RBFOX1: variants seen among roughly 807,000 people sequenced by gnomAD.
RBFOX1 encodes RNA binding protein fox-1 homolog 1.
In RBFOX1, 8 loss-of-function variants were observed where a neutral mutation model predicts 57.7. That is an observed-to-expected ratio of 0.14 (90% CI 0.08 to 0.25). The LOEUF is 0.25. Ranked by LOEUF, RBFOX1 falls within the 10% of genes least tolerant of loss-of-function variation. The probability of loss-of-function intolerance (pLI) is 1.00; values close to 1 mark genes in which losing one functional copy is unlikely to be tolerated. For synonymous variants in RBFOX1, 326 were observed against 222.4 expected (o/e 1.47, Z -4.15); for missense variants, 611 against 548.5 (o/e 1.11, Z -1.14).
At chr16:6,996,900 TG>T (rs1483451160) in intron 3 of RBFOX1, among the ~76,000 whole-genome samples, 1 of 152,168 alleles carries the variant, frequency 6.6e-6, no homozygotes, top group Non-Finnish European at 1.5e-5. Flanking sequence ...TAGAAGCTGA[TG>T]GAACTGAACT....
intron 13 of RBFOX1, among the ~76,000 whole-genome samples, chr16:7,672,239 T>C (rs2071704519): frequency 1.3e-5 from 2 of 152,168 alleles, no homozygotes; most frequent in South Asian, 4.1e-4. Context: ...AACATATTCA[T>C]TGGAATGTGG....
chr16:6,413,588 C>G (rs1287379740), intron 2 of RBFOX1, among the ~76,000 whole-genome samples: 1 of 151,812 alleles, frequency 6.6e-6, no homozygotes, highest in Admixed American at 6.6e-5. Flanking sequence ...CATAATCGGT[C>G]AAAACAATTG....
chr16:6,706,266 G>A (rs2062728859), intron 3 of RBFOX1, among the ~76,000 whole-genome samples: 1 of 152,078 alleles, frequency 6.6e-6, no homozygotes, highest in South Asian at 2.1e-4. Flanking sequence ...TTTGATGATA[G>A]GGCAACTTGA....
At chr16:6,996,082 T>A (rs1408851935) in intron 3 of RBFOX1, among the ~76,000 whole-genome samples, 1 of 152,198 alleles carries the variant, frequency 6.6e-6, no homozygotes, top group African/African-American at 2.4e-5. Flanking sequence ...AGACCATCAG[T>A]GATCCAAGTA....
At chr16:7,474,523 G>T (rs1039572160) in intron 4 of RBFOX1, among the ~76,000 whole-genome samples, 8 of 152,160 alleles carry the variant, frequency 5.3e-5, no homozygotes, top group Non-Finnish European at 1.0e-4. Context: ...CAACTATTTA[G>T]GTTGGTGCAA....
chr16:5,495,766 C>G (rs184622499), intron 2 of RBFOX1, among the ~76,000 whole-genome samples: 5 of 152,344 alleles, frequency 3.3e-5, no homozygotes, highest in African/African-American at 9.6e-5. Context: ...GGTGGCAGCA[C>G]AATTCTGAGA....
chr16:7,248,558 C>T (rs1196564893), intron 4 of RBFOX1, among the ~76,000 whole-genome samples: 1 of 152,180 alleles, frequency 6.6e-6, no homozygotes, highest in Non-Finnish European at 1.5e-5. Context: ...TACCTGTCAT[C>T]TCAGCCATGA....
At chr16:6,007,862 T>C (rs1261101121) in intron 4 of RBFOX1, among the ~76,000 whole-genome samples, 1 of 151,916 alleles carries the variant, frequency 6.6e-6, no homozygotes, top group Admixed American at 6.6e-5. Flanking sequence ...ATGACATCTG[T>C]AGGAAGTGAT....
intron 4 of RBFOX1, among the ~76,000 whole-genome samples, chr16:7,201,099 A>G (rs1200791856): frequency 6.6e-6 from 1 of 152,180 alleles, no homozygotes; most frequent in Non-Finnish European, 1.5e-5. Context: ...TCTGAATGTA[A>G]AAATTGCTCT....
intron 3 of RBFOX1, among the ~76,000 whole-genome samples, chr16:5,676,122 G>C (rs2050161942): frequency 6.6e-6 from 1 of 152,066 alleles, no homozygotes; most frequent in Admixed American, 6.6e-5. Context: ...GAGAGCATTA[G>C]GACAAATACC....
intron 3 of RBFOX1, among the ~76,000 whole-genome samples, chr16:5,866,159 G>C (rs1007623262): frequency 4.6e-5 from 7 of 152,090 alleles, no homozygotes; most frequent in African/African-American, 1.7e-4. Flanking sequence ...AGTAGGGATG[G>C]GGTTTCACCA....
chr16:7,147,807 C>T (rs1292696697), intron 4 of RBFOX1, among the ~76,000 whole-genome samples: 5 of 152,026 alleles, frequency 3.3e-5, no homozygotes, highest in South Asian at 4.1e-4. Flanking sequence ...TTTGGTAGAA[C>T]GATTTATTTT....
chr16:6,547,658 T>C (rs1158753097), intron 2 of RBFOX1, among the ~76,000 whole-genome samples: 1 of 152,184 alleles, frequency 6.6e-6, no homozygotes, highest in Non-Finnish European at 1.5e-5. Flanking sequence ...ATAGTAAATG[T>C]GATCGCTTTT....
chr16:6,355,285 GCC>G (rs1300777711), intron 2 of RBFOX1, among the ~76,000 whole-genome samples: 1 of 150,722 alleles, frequency 6.6e-6, no homozygotes, highest in African/African-American at 2.4e-5. Context: ...CACTCCCCCA[GCC>G]CCCCAGCCCC....
At chr16:7,352,864 T>C (rs551479920) in intron 4 of RBFOX1, among the ~76,000 whole-genome samples, 7 of 152,182 alleles carry the variant, frequency 4.6e-5, no homozygotes, top group African/African-American at 1.4e-4. Flanking sequence ...TACAGGAGCA[T>C]GCCACCATGA....
At chr16:7,697,778 T>C (rs1329849881) in intron 14 of RBFOX1, among the ~76,000 whole-genome samples, 1 of 152,198 alleles carries the variant, frequency 6.6e-6, no homozygotes, top group Non-Finnish European at 1.5e-5. Flanking sequence ...GATGGAATTC[T>C]ACCTTCCCCA....
At chr16:6,103,874 C>G (rs538587256) in intron 1 of RBFOX1, among the ~76,000 whole-genome samples, 56 of 152,266 alleles carry the variant, frequency 3.7e-4, no homozygotes, top group African/African-American at 1.3e-3. Context: ...TTTTTGGTAC[C>G]TGAAATTCCC....
chr16:5,826,770 C>A (rs1431190220), intron 3 of RBFOX1, among the ~76,000 whole-genome samples: 1 of 152,200 alleles, frequency 6.6e-6, no homozygotes, highest in African/African-American at 2.4e-5. Flanking sequence ...TATTTTAACA[C>A]AAGTTCCTTT....
At chr16:6,308,981 T>G (rs1456702087) in intron 1 of RBFOX1, among the ~76,000 whole-genome samples, 1 of 151,996 alleles carries the variant, frequency 6.6e-6, no homozygotes, top group Non-Finnish European at 1.5e-5. Context: ...AAGAATACCT[T>G]GATGATATTT....
Sources: allele counts gnomAD v4.1 joint callset (sites outside exome capture counted in the v4.1 genomes callset), GRCh38; gene constraint gnomAD v4.1.1; transcripts MANE v1.5; gene names NCBI Gene and HGNC (gene_info 2026-07-23, HGNC 2026-07-21).